Variants in SYNE2 observed in about 807,000 individuals in gnomAD.
The protein encoded by SYNE2 is spectrin repeat containing nuclear envelope protein 2.
A neutral mutation model predicts 856.3 loss-of-function variants in SYNE2; 431 were observed. The ratio of observed to expected loss-of-function variants is 0.50; its 90% CI spans 0.47 to 0.55. The LOEUF (loss-of-function observed/expected upper bound fraction) is 0.55, where lower values mean the gene tolerates loss of function less well. Among genes scored for constraint, SYNE2 ranks in the 20% least tolerant of loss-of-function variants. The pLI, the probability that SYNE2 is intolerant of heterozygous loss-of-function variation, is 0.00. For synonymous variants in SYNE2, 2,923 were observed against 2,872.3 expected (o/e 1.02, Z -0.56); for missense variants, 8,129 against 8,023.2 (o/e 1.01, Z -0.50).
At chr14:63,822,444 C>T (rs12881241) in intron 1 of SYNE2, among the ~76,000 whole-genome samples, 9,119 of 152,194 alleles carry the variant, frequency 0.06, 296 homozygotes, top group Middle Eastern at 0.099. Flanking sequence ...GTGTGACTAG[C>T]TTTATCCCTA....
At chr14:64,024,502 A>G (rs1459284211) in intron 39 of SYNE2, 43 bp downstream of exon 39, 1 of 1,583,438 alleles carries the variant, frequency 6.3e-7, no homozygotes, top group Non-Finnish European at 8.6e-7. Context: ...TTTTCTAACC[A>G]TATCTTTATT....
At chr14:64,076,759 G>A (rs1362281136) in intron 54 of SYNE2, among the ~76,000 whole-genome samples, 1 of 49,772 alleles carries the variant, frequency 2.0e-5, no homozygotes, top group Admixed American at 1.9e-4. Flanking sequence ...TTTTTTTTTT[G>A]TCTAGAATAC....
In SYNE2 at chr14:64,119,596, A is replaced by G. The variant is rs1371069081; in HGVS notation, c.13010A>G (p.His4337Arg). ...GTCCAGATGATGCTTCAGGAGAAGC[A>G]CAGTGAAGATCAGGTAAAAAATGAC... ...EKVQMMLQEK[H>R]SEDQHPTILK... The change falls in exon 67 of 116, where the codon CAC (histidine) becomes CGC (arginine). Residue 4337 changes from histidine to arginine, a missense_variant. Coordinates refer to ENST00000555002, the MANE Select transcript of SYNE2 (RefSeq NM_182914.3). The G allele has an allele frequency of 6.2e-7, 1 of 1,614,186 alleles. No individual in the cohort carries two copies.
At chr14:63,937,607 G>T (rs953658032) in intron 2 of SYNE2, among the ~76,000 whole-genome samples, 1 of 152,144 alleles carries the variant, frequency 6.6e-6, no homozygotes, top group African/African-American at 2.4e-5. Context: ...TGTGGAAGAA[G>T]AAAAGGGGTT....
chr14:63,923,990 A>G (rs2095630872), intron 2 of SYNE2, among the ~76,000 whole-genome samples: 2 of 151,402 alleles, frequency 1.3e-5, no homozygotes, highest in South Asian at 4.2e-4. Flanking sequence ...TTATTTTTGT[A>G]GAGACACGGT....
intron 28 of SYNE2, 129 bp downstream of exon 28, chr14:64,000,848 G>T: frequency 1.2e-6 from 1 of 824,118 alleles, no homozygotes; most frequent in Non-Finnish European, 1.9e-6. Flanking sequence ...AGTAAGAGAG[G>T]CTACCATTAT....
chr14:63,768,567 T>G (rs578207856), intron 1 of SYNE2, among the ~76,000 whole-genome samples: 1 of 152,280 alleles, frequency 6.6e-6, no homozygotes, highest in African/African-American at 2.4e-5. Context: ...ACTTTTTTGC[T>G]CAGTTGCTGC....
At chr14:64,066,869 A>G (rs145166546) in intron 51 of SYNE2, among the ~76,000 whole-genome samples, 5 of 152,276 alleles carry the variant, frequency 3.3e-5, no homozygotes, top group African/African-American at 4.8e-5. Context: ...GTAGTGGCAC[A>G]AGGTCCCCAG....
intron 49 of SYNE2, among the ~76,000 whole-genome samples, chr14:64,061,756 A>G (rs1595228386): frequency 6.6e-6 from 1 of 152,126 alleles, no homozygotes; most frequent in Admixed American, 6.5e-5. Context: ...GTGGTCCTTT[A>G]TAGTTATATG....
intron 84 of SYNE2, among the ~76,000 whole-genome samples, chr14:64,148,470 T>G (rs1054852704): frequency 6.6e-6 from 1 of 152,178 alleles, no homozygotes; most frequent in Admixed American, 6.5e-5. Context: ...CAGTCCCCAT[T>G]TGCCTCTGTG....
chr14:64,211,194 G>T (rs554890135), intron 103 of SYNE2, among the ~76,000 whole-genome samples: 2 of 152,316 alleles, frequency 1.3e-5, no homozygotes, highest in Admixed American at 6.5e-5. Flanking sequence ...GCCCAGGCTG[G>T]TCTCAAACTC....
chr14:63,762,239 C>T (rs1886510111), intron 1 of SYNE2: 1 of 210,120 alleles, frequency 4.8e-6, no homozygotes, highest in South Asian at 6.2e-5. Flanking sequence ...TTCAGACCAG[C>T]CTTGACCAAC....
At chr14:64,158,899 G>A in intron 86 of SYNE2, 104 bp downstream of exon 86, 1 of 1,262,756 alleles carries the variant, frequency 7.9e-7, no homozygotes, top group Non-Finnish European at 1.1e-6. Flanking sequence ...CCACAGAGAA[G>A]CACAAAGCAT....
At chr14:63,934,251 G>A (rs984926148) in intron 2 of SYNE2, among the ~76,000 whole-genome samples, 17 of 152,196 alleles carry the variant, frequency 1.1e-4, no homozygotes, top group African/African-American at 3.9e-4. Flanking sequence ...ATACCTGTGG[G>A]GATTTGTTCT....
At chr14:63,810,288 G>T (rs1888568188) in intron 1 of SYNE2, among the ~76,000 whole-genome samples, 1 of 151,932 alleles carries the variant, frequency 6.6e-6, no homozygotes, top group East Asian at 1.9e-4. Flanking sequence ...AGCAGTATCT[G>T]ATACATTAAA....
chr14:64,174,067 AATT>A, intron 94 of SYNE2: 1 of 536,924 alleles, frequency 1.9e-6, no homozygotes, highest in Non-Finnish European at 3.3e-6. Context: ...TTGTCTCTTA[AATT>A]TTTTTTTTTT....
chr14:63,819,925 CAT>C (rs963734745), intron 1 of SYNE2, among the ~76,000 whole-genome samples: 2 of 151,984 alleles, frequency 1.3e-5, no homozygotes, highest in African/African-American at 2.4e-5. Context: ...TACATCAAAA[CAT>C]ATAAAATGCT....
At position 63,931,536 on chromosome 14, in the gene SYNE2, C is replaced by T. The variant is rs1471839898; in HGVS notation, c.80-9078C>T. ...TTACACTCCAGCCTGGGCTACAAAGCGAGACTCTGTCTCAAAAAAAAAAAA... is the reference window on the plus strand; with the variant it reads ...TTACACTCCAGCCTGGGCTACAAAGTGAGACTCTGTCTCAAAAAAAAAAAA... On this transcript the variant is annotated intron_variant, in intron 2 of 115. Coordinates refer to ENST00000555002, the MANE Select transcript of SYNE2 (RefSeq NM_182914.3). Among the ~76,000 whole-genome samples the T allele has an allele frequency of 4.2e-5, 6 of 143,852 alleles. 1 individual carries two copies. The South Asian group carries it at 6.6e-4, about 16-fold the overall frequency. 94.4% of individuals were successfully genotyped at this position (143,852 alleles called of 152,430 possible). A position where few individuals can be genotyped will look rare whatever the true frequency, so the allele number is the denominator to read the frequency against.
In SYNE2 at chr14:64,159,527, C is replaced by G; in HGVS notation, c.16094+85C>G. On this transcript the variant is annotated intron_variant, in intron 87 of 115. Transcript: ENST00000555002. ...TGAGGGGGCATAGGCATTGTAAAGT[C>G]TTCTTCCTCCTCTGAGATGACTGGT... 3 of 1,481,802 alleles carry G rather than the reference C, an allele frequency of 2.0e-6. No homozygotes were observed. In the East Asian group the frequency reaches 7.0e-5, roughly 35 times the overall value. The allele number at this position is 1,481,802 out of a possible 1,614,324, so 91.8% of individuals were successfully genotyped here.
Sources: gnomAD v4.1 joint callset for allele counts (sites outside exome capture counted in the v4.1 genomes callset) on GRCh38, gnomAD v4.1.1 for gene constraint, MANE v1.5 for transcripts, NCBI Gene and HGNC (gene_info 2026-07-23, HGNC 2026-07-21) for gene names.